Variants in LARGE1 observed in about 807,000 individuals in gnomAD.
LARGE1 encodes LARGE xylosyl- and glucuronyltransferase 1, also known as xylosyl- and glucuronyltransferase LARGE1.
Under a neutral mutation model 87.6 loss-of-function variants are expected in LARGE1, and 43 were observed. That is an observed-to-expected ratio of 0.49 (90% CI 0.38 to 0.63). The LOEUF is 0.63. Ranked by LOEUF, LARGE1 falls within the 30% of genes least tolerant of loss-of-function variation. The probability of loss-of-function intolerance (pLI) is 0.00; values close to 1 mark genes in which losing one functional copy is unlikely to be tolerated. For synonymous variants in LARGE1, 434 were observed against 394.6 expected (o/e 1.10, Z -1.18); for missense variants, 802 against 1,000.2 (o/e 0.80, Z 2.67).
chr22:33,612,074 T>C (rs1024032933), intron 4 of LARGE1, among the ~76,000 whole-genome samples: 1 of 152,152 alleles, frequency 6.6e-6, no homozygotes, highest in African/African-American at 2.4e-5. Flanking sequence ...TTAAATCTCT[T>C]TTCTTTCTAA....
At chr22:33,700,797 T>A (rs916814939) in intron 2 of LARGE1, among the ~76,000 whole-genome samples, 19 of 152,146 alleles carry the variant, frequency 1.2e-4, no homozygotes, top group Non-Finnish European at 4.4e-5. Context: ...GTGAAAGCAA[T>A]TATTTTGTTC....
At chr22:33,271,157 T>C (rs1216128658), downstream of LARGE1, among the ~76,000 whole-genome samples, 2 of 152,238 alleles carry the variant, frequency 1.3e-5, no homozygotes, top group Non-Finnish European at 2.9e-5. Flanking sequence ...GGATGGATGT[T>C]GAAGGAAGAA....
intron 1 of LARGE1, among the ~76,000 whole-genome samples, chr22:33,896,761 T>C (rs918629866): frequency 5.9e-5 from 9 of 152,138 alleles, no homozygotes; most frequent in African/African-American, 2.2e-4. Context: ...TCCTACATTT[T>C]AAAGGAGTCT....
At chr22:33,345,140 C>T (rs1939609290) in intron 9 of LARGE1, among the ~76,000 whole-genome samples, 1 of 152,072 alleles carries the variant, frequency 6.6e-6, no homozygotes, top group Non-Finnish European at 1.5e-5. Context: ...GTATGCCAGG[C>T]ACTGCTCTGA....
intron 6 of LARGE1, among the ~76,000 whole-genome samples, chr22:33,479,166 C>G (rs1205227376): frequency 6.6e-6 from 1 of 152,188 alleles, no homozygotes; most frequent in Non-Finnish European, 1.5e-5. Flanking sequence ...GTCTCCCATG[C>G]ACCCCTTGAT....
At chr22:33,102,725 A>G in the LARGE1 span, among the ~76,000 whole-genome samples, 4 of 151,406 alleles carry the variant, frequency 2.6e-5, no homozygotes, top group Non-Finnish European at 4.4e-5. Flanking sequence ...TCCTGACCTC[A>G]GGTGACCCGT....
downstream of LARGE1, among the ~76,000 whole-genome samples, chr22:33,160,016 A>T (rs760092029): frequency 1.3e-5 from 2 of 152,062 alleles, no homozygotes; most frequent in African/African-American, 2.4e-5. Context: ...AAGATATATC[A>T]ATTACTTGAG....
At chr22:33,491,374 TG>T (rs2148289181) in intron 6 of LARGE1, among the ~76,000 whole-genome samples, 1 of 152,290 alleles carries the variant, frequency 6.6e-6, no homozygotes, top group Non-Finnish European at 1.5e-5. Flanking sequence ...AGAAAGAGGT[TG>T]GGGTCATTAT....
At chr22:33,797,522 C>T (rs1292924745) in intron 1 of LARGE1, among the ~76,000 whole-genome samples, 2 of 152,174 alleles carry the variant, frequency 1.3e-5, no homozygotes, top group African/African-American at 2.4e-5. Context: ...AGAGTTACTC[C>T]AATGATGGAG....
chr22:33,873,567 T>G lies in LARGE1; in HGVS notation c.-83+46428A>C, dbSNP rs550618544. Among the ~76,000 whole-genome samples the G allele has an allele frequency of 4.0e-3, 615 of 152,168 alleles. 2 individuals are homozygous for G. The highest frequency in any genetic ancestry group is 0.014 in the African/African-American group (575 of 41,512). On this transcript the variant is annotated intron_variant, in intron 1 of 14. Transcript: ENST00000397394. Reference sequence around the variant, plus strand: ...CTCGTCTGCCTGGGGTCCAGCCTCTTCACCCACCCAGGAAGATAGCATGTC... The same window carrying G: ...CTCGTCTGCCTGGGGTCCAGCCTCTGCACCCACCCAGGAAGATAGCATGTC...
At chr22:33,458,665 T>C (rs996493162) in intron 6 of LARGE1, among the ~76,000 whole-genome samples, 11 of 151,956 alleles carry the variant, frequency 7.2e-5, no homozygotes, top group Non-Finnish European at 2.9e-5. Flanking sequence ...TGATCTCGGG[T>C]GATCCGCCCA....
At chr22:33,398,015 C>T (rs186559044) in intron 7 of LARGE1, among the ~76,000 whole-genome samples, 56 of 152,056 alleles carry the variant, frequency 3.7e-4, no homozygotes, top group Middle Eastern at 3.4e-3. Context: ...CTGGTTTGGA[C>T]GAGTTCTTCA....
intron 10 of LARGE1, among the ~76,000 whole-genome samples, chr22:33,336,716 G>A (rs534103132): frequency 6.6e-6 from 1 of 151,978 alleles, no homozygotes; most frequent in South Asian, 2.1e-4. Context: ...TTTCCTGTGG[G>A]GCCATGGGCA....
chr22:33,309,007 G>T (rs1935251256), intron 11 of LARGE1, among the ~76,000 whole-genome samples: 2 of 152,140 alleles, frequency 1.3e-5, no homozygotes, highest in Admixed American at 1.3e-4. Context: ...ATAAATATTT[G>T]TTATTTCCAA....
chr22:33,426,005 TA>T (rs1024675227), intron 7 of LARGE1, among the ~76,000 whole-genome samples: 4 of 152,074 alleles, frequency 2.6e-5, no homozygotes, highest in Non-Finnish European at 5.9e-5. Flanking sequence ...TTCGGCCTCC[TA>T]AAGTGCTGGG....
chr22:33,806,692 A>G (rs964543666), intron 1 of LARGE1, among the ~76,000 whole-genome samples: 1 of 152,162 alleles, frequency 6.6e-6, no homozygotes, highest in African/African-American at 2.4e-5. Flanking sequence ...TCGGAGGAAG[A>G]TAATAAGACT....
intron 5 of LARGE1, among the ~76,000 whole-genome samples, chr22:33,602,123 CG>C (rs2148968276): frequency 6.6e-6 from 1 of 152,232 alleles, no homozygotes; most frequent in East Asian, 1.9e-4. Context: ...GCTGTCATGT[CG>C]TGTACACTGA....
At chr22:33,243,106 G>GT (rs1205169594) in intron 11 of LARGE1, among the ~76,000 whole-genome samples, 1 of 152,176 alleles carries the variant, frequency 6.6e-6, no homozygotes, top group Non-Finnish European at 1.5e-5. Flanking sequence ...ACATTCTGAG[G>GT]TAGCAAGGGT....
At chr22:33,498,032 A>G (rs1240157482) in intron 6 of LARGE1, among the ~76,000 whole-genome samples, 1 of 152,038 alleles carries the variant, frequency 6.6e-6, no homozygotes. Context: ...ACAGACGTGT[A>G]ACACCATGCT....
Sources: gnomAD v4.1 joint callset for allele counts (sites outside exome capture counted in the v4.1 genomes callset) on GRCh38, gnomAD v4.1.1 for gene constraint, MANE v1.5 for transcripts, NCBI Gene and HGNC (gene_info 2026-07-23, HGNC 2026-07-21) for gene names.